The following INPP4B variants were observed in gnomAD, a reference collection of about 807,000 sequenced individuals.
INPP4B encodes the protein inositol polyphosphate-4-phosphatase type II B.
INPP4B carries 55 observed loss-of-function variants against 122.5 expected under a neutral mutation model. That is an observed-to-expected ratio of 0.45 (90% CI 0.36 to 0.56). The LOEUF (loss-of-function observed/expected upper bound fraction) is 0.56, where lower values mean the gene tolerates loss of function less well. INPP4B is among the 20% of genes least tolerant of loss of function. The probability of loss-of-function intolerance (pLI) is 0.00; values close to 1 mark genes in which losing one functional copy is unlikely to be tolerated. For synonymous variants in INPP4B, 403 were observed against 388.7 expected (o/e 1.04, Z -0.43); for missense variants, 1,000 against 1,097.7 (o/e 0.91, Z 1.26).
intron 18 of INPP4B, among the ~76,000 whole-genome samples, chr4:142,128,779 C>T (rs544778043): frequency 6.6e-6 from 1 of 152,154 alleles, no homozygotes; most frequent in South Asian, 2.1e-4. Context: ...TGCTGGGTGC[C>T]CCCCTCACCT....
chr4:142,609,065 T>G (rs2150329555), intron 2 of INPP4B, among the ~76,000 whole-genome samples: 1 of 152,260 alleles, frequency 6.6e-6, no homozygotes. Flanking sequence ...TCTATAATGA[T>G]ATTTCCTTTC....
At chr4:142,251,460 T>C (rs1243032153) in intron 11 of INPP4B, among the ~76,000 whole-genome samples, 1 of 152,216 alleles carries the variant, frequency 6.6e-6, no homozygotes, top group African/African-American at 2.4e-5. Context: ...GAGGACCCTT[T>C]GATAATACTT....
intron 16 of INPP4B, among the ~76,000 whole-genome samples, chr4:142,173,219 A>G (rs1826415280): frequency 6.6e-6 from 1 of 151,984 alleles, no homozygotes; most frequent in Admixed American, 6.6e-5. Context: ...AATCCACATC[A>G]AAGTTCTGCC....
In INPP4B at chr4:142,028,223, T is replaced by C. The variant is rs868532674; in HGVS notation, c.*559A>G. On this transcript the variant is annotated 3_prime_UTR_variant, in exon 26 of 26. Transcript: ENST00000262992. ...GAGGAGTCACACCTTGACTGGATGA[T>C]AGAGATCATTGTGGAACATACCTGC... 52 of 227,918 alleles carry C rather than the reference T, an allele frequency of 2.3e-4. No individual in the cohort carries two copies. Among genetic ancestry groups the C allele is most frequent in the African/African-American group, 1.0e-3 (46 of 45,072 alleles). The allele number at this position is 227,918 out of a possible 1,614,324, so 14.1% of individuals were successfully genotyped here.
intron 2 of INPP4B, among the ~76,000 whole-genome samples, chr4:142,662,237 A>AAAAAAAC (rs1560935185): frequency 6.6e-6 from 1 of 151,950 alleles, no homozygotes; most frequent in African/African-American, 2.4e-5. Flanking sequence ...TGCCTCAAAA[A>AAAAAAAC]AAAAAACAAA....
At chr4:142,719,598 A>AC (rs1764246314) in intron 2 of INPP4B, among the ~76,000 whole-genome samples, 2 of 152,160 alleles carry the variant, frequency 1.3e-5, no homozygotes, top group Non-Finnish European at 2.9e-5. Flanking sequence ...TGCTGGGATT[A>AC]CAGGCATGAC....
At chr4:142,550,098 A>G (rs1727611504) in intron 2 of INPP4B, among the ~76,000 whole-genome samples, 1 of 152,156 alleles carries the variant, frequency 6.6e-6, no homozygotes, top group Non-Finnish European at 1.5e-5. Context: ...TGACCTGTCT[A>G]GGGTGCCACA....
Position 142,499,162 on chromosome 4 carries a change from G to T in INPP4B, c.-190-36436C>A, listed in dbSNP as rs140121176. On this transcript the variant is annotated intron_variant, in intron 2 of 25. Coordinates refer to ENST00000262992, the MANE Select transcript of INPP4B (RefSeq NM_001101669.3). ...CTGTGATCTGCCTTGGATCTGCAAA[G>T]ATAAAGAAAAAATACTCCATAAAAA... Among the ~76,000 whole-genome samples, 584 of 152,144 alleles carry T rather than the reference G, an allele frequency of 3.8e-3. 4 individuals are homozygous for T. The highest frequency in any genetic ancestry group is 0.013 in the African/African-American group (543 of 41,528).
chr4:142,642,316 G>T (rs546971667), intron 2 of INPP4B, among the ~76,000 whole-genome samples: 3 of 152,224 alleles, frequency 2.0e-5, no homozygotes, highest in Non-Finnish European at 4.4e-5. Flanking sequence ...CATTGCTTTT[G>T]GTGTTTTAGA....
chr4:142,090,907 CA>C (rs1443382511), intron 23 of INPP4B, among the ~76,000 whole-genome samples: 1 of 151,872 alleles, frequency 6.6e-6, no homozygotes, highest in Non-Finnish European at 1.5e-5. Context: ...GGATATATCA[CA>C]AAAACAATAT....
At chr4:142,072,091 A>T (rs10008603) in intron 25 of INPP4B, among the ~76,000 whole-genome samples, 3,755 of 152,196 alleles carry the variant, frequency 0.025, 172 homozygotes, top group African/African-American at 0.086. Context: ...CCAACCCAAA[A>T]GTCCATCAAT....
At position 142,192,028 on chromosome 4, in the gene INPP4B, C is replaced by T. The variant is rs375683824; in HGVS notation, c.1181+1059G>A. Among the ~76,000 whole-genome samples, 3 of 151,622 alleles carry T rather than the reference C, an allele frequency of 2.0e-5. No homozygotes were observed. The East Asian group carries it at 5.8e-4, about 29-fold the overall frequency. On this transcript the variant is annotated intron_variant, in intron 15 of 25. Transcript: ENST00000262992. Reference sequence around the variant, plus strand: ...TTTATATTTGATAAATGTGATAAAACGTTAAAAAATTTTCTGGTTTTGGCA... The same window carrying T: ...TTTATATTTGATAAATGTGATAAAATGTTAAAAAATTTTCTGGTTTTGGCA...
intron 10 of INPP4B, 41 bp from the exon 11 acceptor site, chr4:142,260,605 A>C (rs1465033424): frequency 8.0e-7 from 1 of 1,246,698 alleles, no homozygotes; most frequent in East Asian, 2.4e-5. Context: ...TTTTGAGAAC[A>C]ATCAAAATAA....
chr4:142,189,415 CA>C (rs1834738600), intron 15 of INPP4B, among the ~76,000 whole-genome samples: 1 of 152,032 alleles, frequency 6.6e-6, no homozygotes, highest in African/African-American at 2.4e-5. Flanking sequence ...CAAGGTGCTC[CA>C]TCTCTTATTC....
intron 2 of INPP4B, among the ~76,000 whole-genome samples, chr4:142,560,267 C>G (rs1013335724): frequency 3.3e-5 from 5 of 152,198 alleles, no homozygotes; most frequent in Admixed American, 3.3e-4. Context: ...TAGACATGGC[C>G]CTCTTTTCTA....
At chr4:142,376,877 T>A (rs1244397330) in intron 7 of INPP4B, among the ~76,000 whole-genome samples, 2 of 152,050 alleles carry the variant, frequency 1.3e-5, no homozygotes, top group Admixed American at 1.3e-4. Context: ...GAGGATCAAA[T>A]GTGGTGCTCT....
intron 2 of INPP4B, among the ~76,000 whole-genome samples, chr4:142,474,810 A>C (rs1819536782): frequency 1.3e-5 from 2 of 152,004 alleles, no homozygotes. Flanking sequence ...TACCTCTCTT[A>C]GCTAGGCAAG....
At position 142,319,128 on chromosome 4, in the gene INPP4B, C is replaced by T. The variant is rs760206015; in HGVS notation, c.373-4366G>A. On this transcript the variant is annotated intron_variant, in intron 7 of 25. Transcript: ENST00000262992. ...CCAGAGAAGGAAAAGGCCATGCTGT[C>T]CTGGGTCTGCACACTAGGCTGGCAG... Among the ~76,000 whole-genome samples, 47 of 152,242 alleles carry T rather than the reference C, an allele frequency of 3.1e-4. No homozygotes were observed. In the Middle Eastern group the frequency reaches 0.014, roughly 44 times the overall value.
chr4:142,616,610 A>C (rs1449754957), intron 2 of INPP4B, among the ~76,000 whole-genome samples: 1 of 152,148 alleles, frequency 6.6e-6, no homozygotes, highest in African/African-American at 2.4e-5. Context: ...GTTTTAATTT[A>C]TATTTCCTTG....
Sources: allele counts gnomAD v4.1 joint callset (sites outside exome capture counted in the v4.1 genomes callset), GRCh38; gene constraint gnomAD v4.1.1; transcripts MANE v1.5; gene names NCBI Gene and HGNC (gene_info 2026-07-23, HGNC 2026-07-21).